Variants in GREB1 observed in about 807,000 individuals in gnomAD.
GREB1 encodes growth regulating estrogen receptor binding 1.
In GREB1, 106 loss-of-function variants were observed where a neutral mutation model predicts 200.7. The observed-to-expected ratio is 0.53, with a 90% CI of 0.45 to 0.62. GREB1 has a LOEUF of 0.62. Ranked by LOEUF, GREB1 falls within the 20% of genes least tolerant of loss-of-function variation. GREB1 has a pLI of 0.00. For missense variants in GREB1, 2,243 were observed against 2,556.8 expected (o/e 0.88, Z 2.65); for synonymous variants, 1,132 against 1,092.4 (o/e 1.04, Z -0.72).
intron 18 of GREB1, 26 bp from the exon 19 acceptor site, chr2:11,612,469 C>A: frequency 6.4e-7 from 1 of 1,567,216 alleles, no homozygotes; most frequent in Non-Finnish European, 8.8e-7. Context: ...GCGTCTGTGG[C>A]TTTATTTCTT....
Position 11,556,499 on chromosome 2 carries a change from G to A in GREB1, c.-116G>A, listed in dbSNP as rs115539068. On this transcript the variant is annotated 5_prime_UTR_variant, in exon 2 of 33. Coordinates refer to ENST00000381486, the MANE Select transcript of GREB1 (RefSeq NM_014668.4). ...CACCCTTTCTTCGTCTCTGCTGAGC[G>A]AAGGCTACACGGCCCTTCCTCCTTG... The A allele has an allele frequency of 2.4e-3, 1,917 of 788,536 alleles. 24 individuals carry two copies. In the African/African-American group the frequency reaches 0.029, roughly 12 times the overall value. The allele number at this position is 788,536 out of a possible 1,614,324, so 48.8% of individuals were successfully genotyped here.
At chr2:11,545,001 G>A (rs748657662) in intron 1 of GREB1, among the ~76,000 whole-genome samples, 3 of 151,968 alleles carry the variant, frequency 2.0e-5, no homozygotes, top group Non-Finnish European at 4.4e-5. Flanking sequence ...TTTTGGTAGA[G>A]ACAGGGTTTC....
Position 11,616,258 on chromosome 2 carries a change from C to T in GREB1, c.3323-373C>T, listed in dbSNP as rs887660095. The stretch of plus-strand genomic sequence containing the variant: ...TGCCCTTCCTGCTGCTCAGAGTTTT[C>T]CTTTCTCTACTTTACCTGCAAAACC... On this transcript the variant is annotated intron_variant, in intron 20 of 32. Coordinates refer to ENST00000381486, the MANE Select transcript of GREB1 (RefSeq NM_014668.4). 9.8e-5 allele frequency among the ~76,000 whole-genome samples: 15 copies of T among 152,358 alleles called. No individual in the cohort carries two copies. In the South Asian group the frequency reaches 1.2e-3, roughly 13 times the overall value.
At chr2:11,604,948 G>A (rs1413421829) in intron 17 of GREB1, among the ~76,000 whole-genome samples, 1 of 152,094 alleles carries the variant, frequency 6.6e-6, no homozygotes, top group African/African-American at 2.4e-5. Context: ...CAAACCTACT[G>A]TGACTTAAAA....
chr2:11,591,610 G>A (rs1357039962), intron 10 of GREB1: 28 of 611,826 alleles, frequency 4.6e-5, no homozygotes, highest in South Asian at 3.2e-4. Flanking sequence ...TGCACCGTTC[G>A]CGTGGTAAAC....
rs1683024386 is a variant in GREB1 at position 11,612,498 on chromosome 2, T to G, written c.3010T>G (p.Trp1004Gly). The change falls in exon 19 of 33, where the codon TGG (tryptophan) becomes GGG (glycine). Residue 1004 changes from tryptophan (W) to glycine (G), a missense_variant. Coordinates refer to ENST00000381486, the MANE Select transcript of GREB1 (RefSeq NM_014668.4). ...ATTTCTTTTTCGTTATCTGCAGATGTGGCAGAAAATTGAGGATGTGGAGTG... is the reference window on the plus strand; with the variant it reads ...ATTTCTTTTTCGTTATCTGCAGATGGGGCAGAAAATTGAGGATGTGGAGTG... ...GKHFVKQLRM[W>G]QKIEDVEWRP... 6.2e-7 allele frequency: 1 copy of G among 1,602,278 alleles called. No individual in the cohort carries two copies. Among genetic ancestry groups the G allele is most frequent in the African/African-American group, 1.3e-5 (1 of 74,712 alleles).
In GREB1 at chr2:11,632,878, G is replaced by T; in HGVS notation, c.4817-11G>T. 1.2e-6 allele frequency: 2 copies of T among 1,612,374 alleles called. No individual in the cohort carries two copies. Among genetic ancestry groups the T allele is most frequent in the Admixed American group, 1.7e-5 (1 of 59,842 alleles). On this transcript the variant is annotated splice_polypyrimidine_tract_variant and intron_variant, in intron 27 of 32. Transcript: ENST00000381486. ...GGTCAGTCCTGAGTCCAGGTGCTTTGCCCACTGCAGGTGCTGCTCATTTCC... is the reference window on the plus strand; with the variant it reads ...GGTCAGTCCTGAGTCCAGGTGCTTTTCCCACTGCAGGTGCTGCTCATTTCC...
In GREB1 at chr2:11,633,006, A is replaced by T; in HGVS notation, c.4934A>T (p.Asp1645Val). Reference protein sequence around the residue: ...QDIWPFIVISDDSCVMWNVVD... With the variant: ...QDIWPFIVISVDSCVMWNVVD... ...ATCTGGCCTTTCATTGTGATCTCTG[A>T]TGACTCCTGCGTGATGTGGAACGTG... The change falls in exon 28 of 33, where the codon GAT becomes GTT. Residue 1645 changes from aspartate (D) to valine (V), a missense_variant. By Grantham distance (152) the Asp-to-Val change is radical. This residue lies in a region of GREB1 where 478 missense variants were observed against 616.3 expected (regional missense o/e 0.78). Coordinates refer to ENST00000381486, the MANE Select transcript of GREB1 (RefSeq NM_014668.4). This position sits in a 1 kb window ranked among gnomAD's most constrained non-coding sequence, Gnocchi z 4.1. 1 of 1,614,184 alleles carries T rather than the reference A, an allele frequency of 6.2e-7. No homozygotes were observed. Among genetic ancestry groups the T allele is most frequent in the Non-Finnish European group, 8.5e-7 (1 of 1,180,024 alleles).
At position 11,640,966 on chromosome 2, in the gene GREB1, C is replaced by T. The variant is rs1041248970; in HGVS notation, c.*512C>T. ...CGTTTTAATAACAATTATTTAATTG[C>T]CTATAAGTTTGCTGTTTCAGAGGCT... is the stretch of plus-strand genomic sequence containing the variant. On this transcript the variant is annotated 3_prime_UTR_variant, in exon 33 of 33. Coordinates refer to ENST00000381486, the MANE Select transcript of GREB1 (RefSeq NM_014668.4). This position sits in a 1 kb window ranked among gnomAD's most constrained non-coding sequence, Gnocchi z 4.6. 2 of 153,902 alleles carry T rather than the reference C, an allele frequency of 1.3e-5. No individual in the cohort carries two copies. The highest frequency in any genetic ancestry group is 2.4e-5 in the African/African-American group (1 of 41,412). The allele number at this position is 153,902 out of a possible 1,614,324, so 9.5% of individuals were successfully genotyped here.
rs1233477031 is a variant in GREB1, at chr2:11,588,801, C to T, written c.1215C>T (p.Pro405=). The T allele has an allele frequency of 6.2e-7, 1 of 1,614,228 alleles. No homozygotes were observed. Among genetic ancestry groups the T allele is most frequent in the South Asian group, 1.1e-5 (1 of 91,078 alleles). ...ACCTGAATGACGTCGTGGTCAGCCC[C>T]CTCTTGTACACGTGCTACCAGAATT... is the stretch of plus-strand genomic sequence containing the variant. ...CGNLNDVVVS[P]LLYTCYQNSQ... The change falls in exon 10 of 33, where the codon CCC becomes CCT. Residue 405 remains proline (P), a synonymous_variant. Coordinates refer to ENST00000381486, the MANE Select transcript of GREB1 (RefSeq NM_014668.4).
At chr2:11,554,380 C>T (rs892666136) in intron 1 of GREB1, among the ~76,000 whole-genome samples, 3 of 152,108 alleles carry the variant, frequency 2.0e-5, no homozygotes, top group South Asian at 2.1e-4. Flanking sequence ...ACAATAGGGG[C>T]GGGAAATCAA....
intron 8 of GREB1, 134 bp downstream of exon 8, chr2:11,585,408 A>G (rs144737722): frequency 4.8e-6 from 3 of 619,212 alleles, no homozygotes; most frequent in Non-Finnish European, 8.4e-6. Flanking sequence ...GGGAGTTCTA[A>G]GGAGGCAGAG....
chr2:11,557,111 A>G (rs1466091361), intron 2 of GREB1, among the ~76,000 whole-genome samples: 1 of 152,232 alleles, frequency 6.6e-6, no homozygotes, highest in Non-Finnish European at 1.5e-5. Context: ...CCTCAGCAAT[A>G]TATTCCTTTT....
At chr2:11,614,846 A>G (rs1683268009) in intron 19 of GREB1, among the ~76,000 whole-genome samples, 1 of 149,332 alleles carries the variant, frequency 6.7e-6, no homozygotes, top group Admixed American at 6.8e-5. Context: ...CCCCTTTTTT[A>G]TCTGACCCAA....
At chr2:11,606,244 C>T (rs990988811) in intron 17 of GREB1, among the ~76,000 whole-genome samples, 45 of 152,330 alleles carry the variant, frequency 3.0e-4, no homozygotes, top group South Asian at 2.1e-4. Context: ...TACAAGTGGA[C>T]CCTTGAAGTT....
intron 30 of GREB1, 120 bp from the exon 31 acceptor site, chr2:11,637,596 C>T (rs1230691676): frequency 5.5e-6 from 4 of 723,604 alleles, no homozygotes; most frequent in Non-Finnish European, 7.0e-6. Context: ...TATGTGTTCT[C>T]AGTTCATTCC....
At chr2:11,501,257 A>G (rs1270785605) in intron 1 of GREB1, among the ~76,000 whole-genome samples, 1 of 152,222 alleles carries the variant, frequency 6.6e-6, no homozygotes, top group Admixed American at 6.5e-5. Flanking sequence ...TTTTGAGTAC[A>G]TCGAAGCAGT....
At chr2:11,589,041 A>C (rs1680464695) in intron 10 of GREB1, 110 bp downstream of exon 10, 3 of 796,814 alleles carry the variant, frequency 3.8e-6, no homozygotes, top group Non-Finnish European at 6.3e-6. Context: ...ATTGAAATAC[A>C]TGGGGAGAGC....
intron 1 of GREB1, among the ~76,000 whole-genome samples, chr2:11,552,877 GC>G (rs1195255300): frequency 1.3e-5 from 2 of 151,988 alleles, no homozygotes; most frequent in African/African-American, 2.4e-5. Flanking sequence ...GGGCATGGTG[GC>G]GCACGCCTGT....
Sources: gnomAD v4.1 joint callset for allele counts (sites outside exome capture counted in the v4.1 genomes callset) on GRCh38, gnomAD v4.1.1 for gene constraint, gnomAD v4.1.1 regional missense constraint, Gnocchi (gnomAD v3.1) non-coding constraint, MANE v1.5 for transcripts, NCBI Gene and HGNC (gene_info 2026-07-23, HGNC 2026-07-21) for gene names.